DRC11: variants seen among roughly 807,000 people sequenced by gnomAD.
The protein encoded by DRC11 is dynein regulatory complex subunit 11.
chr2:236,494,299 T>C, the DRC11 span, among the ~76,000 whole-genome samples: 1 of 152,242 alleles, frequency 6.6e-6, no homozygotes, highest in Non-Finnish European at 1.5e-5. The surrounding 1 kb of genome is among the most constrained non-coding windows in gnomAD (Gnocchi z 4.2). Flanking sequence ...ACCGACTATT[T>C]GTATGTAAAT....
the DRC11 span, among the ~76,000 whole-genome samples, chr2:236,371,781 T>G: frequency 1.2e-4 from 19 of 152,330 alleles, no homozygotes; most frequent in South Asian, 3.9e-3. This position sits in a 1 kb window ranked among gnomAD's most constrained non-coding sequence, Gnocchi z 5.1. Context: ...CCCATGTACT[T>G]GAAAATAAAC....
At chr2:236,484,391 C>T in the DRC11 span, among the ~76,000 whole-genome samples, 4 of 152,172 alleles carry the variant, frequency 2.6e-5, no homozygotes, top group Admixed American at 6.5e-5. Context: ...ATGTTTATTG[C>T]AGAAAGATGT....
At chr2:236,448,763 G>A in the DRC11 span, among the ~76,000 whole-genome samples, 1 of 152,334 alleles carries the variant, frequency 6.6e-6, no homozygotes, top group Admixed American at 6.5e-5. The surrounding 1 kb of genome is among the most constrained non-coding windows in gnomAD (Gnocchi z 5.3). Context: ...GGTCGGGGCA[G>A]AGACTATCAC....
At chr2:236,363,844 G>C in the DRC11 span, 1 of 1,613,944 alleles carries the variant, frequency 6.2e-7, no homozygotes, top group South Asian at 1.1e-5. This position sits in a 1 kb window ranked among gnomAD's most constrained non-coding sequence, Gnocchi z 5.6. Context: ...AGCAATGTTA[G>C]AGGAGGACAA....
chr2:236,378,509 C>A, the DRC11 span, among the ~76,000 whole-genome samples: 24,377 of 151,694 alleles, frequency 0.16, 2,185 homozygotes, highest in Admixed American at 0.22. Context: ...CCCATCTCTA[C>A]TAAAAATACA....
chr2:236,309,058 G>A, the DRC11 span, among the ~76,000 whole-genome samples: 3 of 152,194 alleles, frequency 2.0e-5, no homozygotes, highest in Non-Finnish European at 4.4e-5. This position sits in a 1 kb window ranked among gnomAD's most constrained non-coding sequence, Gnocchi z 5.7. Context: ...CAAGAGAAAA[G>A]GTTAATGGCT....
chr2:236,369,689 C>T, the DRC11 span, among the ~76,000 whole-genome samples: 1 of 152,216 alleles, frequency 6.6e-6, no homozygotes, highest in Non-Finnish European at 1.5e-5. This position sits in a 1 kb window ranked among gnomAD's most constrained non-coding sequence, Gnocchi z 4.5. Context: ...CTAACAGAGG[C>T]AAGGACACAA....
At chr2:236,427,564 G>A in the DRC11 span, among the ~76,000 whole-genome samples, 3 of 151,828 alleles carry the variant, frequency 2.0e-5, no homozygotes, top group South Asian at 2.1e-4. This position sits in a 1 kb window ranked among gnomAD's most constrained non-coding sequence, Gnocchi z 5.9. Flanking sequence ...ATAGTCTCAC[G>A]ATCTTTTGTA....
the DRC11 span, chr2:236,369,139 C>G: frequency 3.3e-5 from 5 of 152,184 alleles, no homozygotes; most frequent in African/African-American, 1.2e-4. The surrounding 1 kb of genome is among the most constrained non-coding windows in gnomAD (Gnocchi z 4.5). Context: ...ATGCTTTCTT[C>G]CTATAGCGAG....
At chr2:236,423,858 A>G in the DRC11 span, among the ~76,000 whole-genome samples, 1 of 152,156 alleles carries the variant, frequency 6.6e-6, no homozygotes, top group African/African-American at 2.4e-5. Context: ...ACACCATGGA[A>G]TACTATGCAG....
chr2:236,437,048 A>G, the DRC11 span, among the ~76,000 whole-genome samples: 5 of 148,046 alleles, frequency 3.4e-5, no homozygotes, highest in Non-Finnish European at 6.0e-5. Context: ...CCACTAACTC[A>G]TCATCTAGCA....
chr2:236,397,133 G>A, the DRC11 span, among the ~76,000 whole-genome samples: 3,653 of 152,326 alleles, frequency 0.024, 148 homozygotes, highest in African/African-American at 0.085. The surrounding 1 kb of genome is among the most constrained non-coding windows in gnomAD (Gnocchi z 5.0). Flanking sequence ...CGTGTGTAGC[G>A]ATCTGGTTTC....
the DRC11 span, among the ~76,000 whole-genome samples, chr2:236,352,607 G>A: frequency 2.0e-5 from 3 of 152,072 alleles, no homozygotes; most frequent in Non-Finnish European, 4.4e-5. This position sits in a 1 kb window ranked among gnomAD's most constrained non-coding sequence, Gnocchi z 7.0. Context: ...ATACTGAATG[G>A]CATAAACAAC....
At chr2:236,368,397 T>C in the DRC11 span, 4 of 664,408 alleles carry the variant, frequency 6.0e-6, no homozygotes, top group Non-Finnish European at 8.0e-6. Flanking sequence ...AGAATACAAA[T>C]TGAACATTTC....
the DRC11 span, among the ~76,000 whole-genome samples, chr2:236,455,625 A>G: frequency 1.3e-5 from 2 of 152,204 alleles, no homozygotes; most frequent in African/African-American, 4.8e-5. This position sits in a 1 kb window ranked among gnomAD's most constrained non-coding sequence, Gnocchi z 5.7. Context: ...TTCAACTGGC[A>G]TCTACTGGGA....
chr2:236,497,080 T>C, the DRC11 span: 7 of 1,077,650 alleles, frequency 6.5e-6, no homozygotes, highest in Admixed American at 2.8e-5. This position sits in a 1 kb window ranked among gnomAD's most constrained non-coding sequence, Gnocchi z 5.1. Context: ...AGGAAGTCTG[T>C]AGAGTATCGT....
chr2:236,488,253 G>T, the DRC11 span: 1 of 1,225,346 alleles, frequency 8.2e-7, no homozygotes, highest in Non-Finnish European at 1.1e-6. Context: ...ATTGATCCCA[G>T]ACACATCACA....
the DRC11 span, chr2:236,441,149 A>T: frequency 2.0e-6 from 3 of 1,468,336 alleles, no homozygotes; most frequent in African/African-American, 2.8e-5. Flanking sequence ...ATAGCAAATT[A>T]AAATGGAAAT....
the DRC11 span, among the ~76,000 whole-genome samples, chr2:236,417,735 C>A: frequency 5.9e-5 from 9 of 151,994 alleles, no homozygotes; most frequent in Admixed American, 3.3e-4. Flanking sequence ...CCTTGCCCCC[C>A]ATCCCCTAAC....
Sources: gnomAD v4.1 joint callset for allele counts (sites outside exome capture counted in the v4.1 genomes callset) on GRCh38, gnomAD v4.1.1 for gene constraint, Gnocchi (gnomAD v3.1) non-coding constraint, MANE v1.5 for transcripts, NCBI Gene and HGNC (gene_info 2026-07-23, HGNC 2026-07-21) for gene names.